Variants in DEK observed in about 807,000 individuals in gnomAD.
The protein encoded by DEK is DEK proto-oncogene.
DEK carries 28 observed loss-of-function variants against 46.8 expected under a neutral mutation model. The observed-to-expected ratio is 0.60, with a 90% CI of 0.44 to 0.82. DEK has a LOEUF of 0.82. Among genes scored for constraint, DEK ranks in the 40% least tolerant of loss-of-function variants. The pLI, the probability that DEK is intolerant of heterozygous loss-of-function variation, is 0.00. For missense variants in DEK, 416 were observed against 430.6 expected, an observed-to-expected ratio of 0.97 and a Z score of 0.30; for synonymous variants, 160 against 144.5, an observed-to-expected ratio of 1.11 and a Z score of -0.77.
At chr6:18,256,770 G>A (rs1258317183) in intron 4 of DEK, among the ~76,000 whole-genome samples, 2 of 152,194 alleles carry the variant, frequency 1.3e-5, no homozygotes, top group Non-Finnish European at 2.9e-5. Context: ...ACCAGGGGAT[G>A]TGGAAAGTTA....
rs570266268 is a variant in DEK at position 18,230,348 on chromosome 6, A to G, written c.1048-4106T>C. On this transcript the variant is annotated intron_variant, in intron 9 of 10. Coordinates refer to ENST00000652689, the MANE Select transcript of DEK (RefSeq NM_003472.4). ...ACGAGCAAAATAACCAGCTAACATC[A>G]TAATGACAGGATCAAATTCACACAT... Among the ~76,000 whole-genome samples, 3 of 152,340 alleles carry G rather than the reference A, an allele frequency of 2.0e-5. No individual in the cohort carries two copies. In the South Asian group the frequency reaches 6.2e-4, roughly 32 times the overall value.
At chr6:18,254,929 G>A (rs900214858) in intron 6 of DEK, among the ~76,000 whole-genome samples, 10 of 152,158 alleles carry the variant, frequency 6.6e-5, no homozygotes, top group Admixed American at 5.2e-4. Flanking sequence ...AAGGGCGGAC[G>A]AAAACGAAGT....
chr6:18,238,857 A>C (rs1388600767), intron 7 of DEK, among the ~76,000 whole-genome samples: 1 of 152,154 alleles, frequency 6.6e-6, no homozygotes, highest in Non-Finnish European at 1.5e-5. Flanking sequence ...TACTGCGATC[A>C]CTTGACAGAA....
chr6:18,258,909 G>A lies in DEK; in HGVS notation c.146-504C>T, dbSNP rs950299424. ...AGACTTCCAGGCAGAACAGCCTGAA[G>A]TACGTGGATAGGATAAAACTCTCCA... is the stretch of plus-strand genomic sequence containing the variant. On this transcript the variant is annotated intron_variant, in intron 2 of 10. Coordinates refer to ENST00000652689, the MANE Select transcript of DEK (RefSeq NM_003472.4). Among the ~76,000 whole-genome samples the A allele has an allele frequency of 1.6e-4, 25 of 152,202 alleles. 2 individuals are homozygous for A. Among genetic ancestry groups the A allele is most frequent in the Non-Finnish European group, 1.0e-4 (7 of 68,042 alleles).
intron 7 of DEK, among the ~76,000 whole-genome samples, chr6:18,239,800 A>G (rs1161981345): frequency 6.6e-6 from 1 of 152,200 alleles, no homozygotes; most frequent in East Asian, 1.9e-4. Context: ...TTTAAGGTTC[A>G]TTAAGTGTCC....
At chr6:18,251,255 A>T (rs1490514970) in intron 6 of DEK, among the ~76,000 whole-genome samples, 4 of 152,202 alleles carry the variant, frequency 2.6e-5, no homozygotes. Flanking sequence ...CATTAAGGTA[A>T]AATTCCATAA....
intron 7 of DEK, among the ~76,000 whole-genome samples, chr6:18,248,898 A>C (rs1281985410): frequency 6.6e-6 from 1 of 152,214 alleles, no homozygotes; most frequent in African/African-American, 2.4e-5. Flanking sequence ...AAATAAGGCA[A>C]GGTTGATTAC....
chr6:18,229,941 C>A (rs557018787), intron 9 of DEK, among the ~76,000 whole-genome samples: 1 of 152,064 alleles, frequency 6.6e-6, no homozygotes, highest in African/African-American at 2.4e-5. Context: ...TTCACCAAAG[C>A]TGAAATGAAG....
intron 2 of DEK, among the ~76,000 whole-genome samples, chr6:18,263,111 A>G (rs1185972016): frequency 2.0e-5 from 3 of 152,184 alleles, no homozygotes; most frequent in African/African-American, 7.2e-5. Flanking sequence ...CAGACACTGC[A>G]TGCATCCTGG....
Position 18,257,978 on chromosome 6 carries a change from T to C in DEK, c.332A>G (p.Lys111Arg), listed in dbSNP as rs747851936. ...AGTGCCTGGCCTGTTGTAAAGCAGT[T>C]TGTGTAGATTTCTAAGTTCATCGGT... ...KKTDELRNLHKLLYNRPGTVS... is the reference protein window; with the variant it reads ...KKTDELRNLHRLLYNRPGTVS... The change falls in exon 4 of 11, where the codon AAA (lysine) becomes AGA (arginine). Residue 111 changes from lysine (K) to arginine (R), a missense_variant. Physicochemically the swap from Lys to Arg is conservative, Grantham distance 26 (BLOSUM62 2). Transcript: ENST00000652689. 1 of 1,610,068 alleles carries C rather than the reference T, an allele frequency of 6.2e-7. No homozygotes were observed. Among genetic ancestry groups the C allele is most frequent in the South Asian group, 1.1e-5 (1 of 89,512 alleles).
chr6:18,224,879 A>T lies in DEK; in HGVS notation c.*840T>A. ...GATTTTTGGTCTGTCCTTATATAAT[A>T]TAAAACGTACCTACAGACACTTTTA... On this transcript the variant is annotated 3_prime_UTR_variant, in exon 11 of 11. Coordinates refer to ENST00000652689, the MANE Select transcript of DEK (RefSeq NM_003472.4). 4.7e-6 allele frequency: 1 copy of T among 211,786 alleles called. No individual in the cohort carries two copies. Among genetic ancestry groups the T allele is most frequent in the Non-Finnish European group, 9.6e-6 (1 of 104,144 alleles). The allele number at this position is 211,786 out of a possible 1,614,324, so 13.1% of individuals were successfully genotyped here.
chr6:18,246,086 G>A (rs1677148833), intron 7 of DEK, among the ~76,000 whole-genome samples: 1 of 152,202 alleles, frequency 6.6e-6, no homozygotes, highest in Non-Finnish European at 1.5e-5. Context: ...TCAGTCTTGG[G>A]TATGTCTTTA....
At chr6:18,261,390 T>C (rs939439074) in intron 2 of DEK, among the ~76,000 whole-genome samples, 2 of 152,152 alleles carry the variant, frequency 1.3e-5, no homozygotes, top group African/African-American at 4.8e-5. Flanking sequence ...CTGACCAACA[T>C]GGAGAAACCT....
intron 2 of DEK, among the ~76,000 whole-genome samples, chr6:18,260,729 G>A (rs983975633): frequency 6.6e-6 from 1 of 152,100 alleles, no homozygotes; most frequent in African/African-American, 2.4e-5. Flanking sequence ...GGCCAGGCGT[G>A]GTGGCTCATT....
At chr6:18,244,393 A>G in intron 7 of DEK, 1 of 459,430 alleles carries the variant, frequency 2.2e-6, no homozygotes, top group Non-Finnish European at 3.6e-6. Flanking sequence ...AGAAGTTTCA[A>G]AAACGTGAAG....
At chr6:18,235,201 A>AAT (rs1790596144) in intron 9 of DEK, among the ~76,000 whole-genome samples, 1 of 152,192 alleles carries the variant, frequency 6.6e-6, no homozygotes, top group Admixed American at 6.5e-5. Context: ...GCCCCTGCTA[A>AAT]ATCTCAATAA....
chr6:18,259,394 CAAAAAAAAAAAAAAAAAAAAAAAAA>C (rs56704006), intron 2 of DEK, among the ~76,000 whole-genome samples: 8 of 41,482 alleles, frequency 1.9e-4, no homozygotes, highest in Non-Finnish European at 2.1e-4. Flanking sequence ...GACTCCGTCT[CAAAAAAAAAAAAAAAAAAAAAAAAA>C]AAAAAAAAAA....
At chr6:18,253,253 G>C (rs1385246978) in intron 6 of DEK, among the ~76,000 whole-genome samples, 1 of 152,100 alleles carries the variant, frequency 6.6e-6, no homozygotes, top group South Asian at 2.1e-4. Flanking sequence ...ATTTGATAGA[G>C]ATGTTTTCAA....
Position 18,260,857 on chromosome 6 carries a change from C to T in DEK, c.146-2452G>A, listed in dbSNP as rs557325999. Among the ~76,000 whole-genome samples the T allele has an allele frequency of 3.3e-5, 5 of 151,736 alleles. No individual in the cohort carries two copies. The East Asian group carries it at 5.9e-4, about 18-fold the overall frequency. On this transcript the variant is annotated intron_variant, in intron 2 of 10. Coordinates refer to ENST00000652689, the MANE Select transcript of DEK (RefSeq NM_003472.4). ...CTCTACAAAAAATACAGAAAGTACC[C>T]GGGCATGGTGGCGCATGCCTGTGGT...
Sources: allele counts gnomAD v4.1 joint callset (sites outside exome capture counted in the v4.1 genomes callset), GRCh38; gene constraint gnomAD v4.1.1; transcripts MANE v1.5; gene names NCBI Gene and HGNC (gene_info 2026-07-23, HGNC 2026-07-21).